The following TMBIM4 variants were observed in gnomAD, a reference collection of about 807,000 sequenced individuals.
TMBIM4 encodes the protein transmembrane BAX inhibitor motif containing 4.
A neutral mutation model predicts 27.7 loss-of-function variants in TMBIM4; 28 were observed. That is an observed-to-expected ratio of 1.01 (90% CI 0.75 to 1.38). The LOEUF is 1.38. Among genes scored for constraint, TMBIM4 ranks in the 40% most tolerant of loss-of-function variants. TMBIM4 has a pLI of 0.00. For synonymous variants in TMBIM4, 115 were observed against 113.1 expected (o/e 1.02, Z -0.11); for missense variants, 265 against 277.5 (o/e 0.95, Z 0.32).
In TMBIM4 at chr12:66,147,903, C is replaced by A; in HGVS notation, c.346+5G>T. The stretch of plus-strand genomic sequence containing the variant: ...ATAACATATAGAAATGCAGTTACGG[C>A]TTACCAACAACTGCCACAGTCAGAG... On this transcript the variant is annotated splice_donor_5th_base_variant and intron_variant, in intron 4 of 6. Transcript: ENST00000358230. 1 of 1,610,540 alleles carries A rather than the reference C, an allele frequency of 6.2e-7. No homozygotes were observed.
intron 2 of TMBIM4, 132 bp downstream of exon 2, chr12:66,153,208 T>G: frequency 1.6e-6 from 1 of 606,126 alleles, no homozygotes; most frequent in Admixed American, 3.6e-5. Context: ...TAATCAGGCT[T>G]ATAAGAGTAA....
intron 1 of TMBIM4, among the ~76,000 whole-genome samples, chr12:66,158,060 A>C (rs2051967068): frequency 6.6e-6 from 1 of 151,662 alleles, no homozygotes; most frequent in Admixed American, 6.6e-5. Context: ...TCCTGTGCCT[A>C]CTAAAAGTAC....
rs764900949 is a variant in TMBIM4 at position 66,138,116 on chromosome 12, G to A, written c.561C>T (p.Ala187=). ...AGATGATGAATCCACAGAAAAGAAG[G>A]GCTCCTGCAGCGGCTAAGACCAACT... ...IMELVLAAAG[A]LLFCGFIIYD... The change falls in exon 7 of 7, where the codon GCC becomes GCT. Residue 187 remains alanine (A), a synonymous_variant. Transcript: ENST00000358230. 4 of 1,613,896 alleles carry A rather than the reference G, an allele frequency of 2.5e-6. No homozygotes were observed. The highest frequency in any genetic ancestry group is 3.4e-6 in the Non-Finnish European group (4 of 1,179,994).
chr12:66,149,849 ACTAT>A (rs376004467), intron 3 of TMBIM4, among the ~76,000 whole-genome samples: 13 of 150,922 alleles, frequency 8.6e-5, no homozygotes, highest in East Asian at 2.0e-4. Context: ...TAAGTTGAGG[ACTAT>A]CTATCTATCT....
At chr12:66,166,464 CAAAAAAA>C (rs59822799) in intron 1 of TMBIM4, among the ~76,000 whole-genome samples, 38,490 of 100,994 alleles carry the variant, frequency 0.38, 5,103 homozygotes, top group South Asian at 0.48. Context: ...TACTTTGTCT[CAAAAAAA>C]AAAAAAAAAA....
In TMBIM4 at chr12:66,145,903, T is replaced by C; in HGVS notation, c.402A>G (p.Val134=). 1 of 1,608,932 alleles carries C rather than the reference T, an allele frequency of 6.2e-7. No individual in the cohort carries two copies. Among genetic ancestry groups the C allele is most frequent in the Non-Finnish European group, 8.5e-7 (1 of 1,176,108 alleles). Residue 134 remains valine, a synonymous_variant, in exon 5 of 7, where the codon GTA becomes GTG. Coordinates refer to ENST00000358230, the MANE Select transcript of TMBIM4 (RefSeq NM_016056.4). ...GAGTATACACAGTCAAACCAAAAAATACTGTAGTAGTCAGTATGAAAGCTT... is the reference window on the plus strand; with the variant it reads ...GAGTATACACAGTCAAACCAAAAAACACTGTAGTAGTCAGTATGAAAGCTT... The part of the protein sequence containing the change: ...ILQAFILTTT[V]FFGLTVYTLQ...
intron 1 of TMBIM4, among the ~76,000 whole-genome samples, chr12:66,159,819 A>C (rs1320041127): frequency 6.6e-6 from 1 of 152,210 alleles, no homozygotes; most frequent in Non-Finnish European, 1.5e-5. Context: ...CTACTGCCCC[A>C]TCCAAATGAC....
chr12:66,150,008 G>A, intron 3 of TMBIM4, among the ~76,000 whole-genome samples: 1 of 152,068 alleles, frequency 6.6e-6, no homozygotes, highest in East Asian at 1.9e-4. Flanking sequence ...GAAATGTATT[G>A]TACATACTTA....
At chr12:66,169,304 T>A (rs961352591) in intron 1 of TMBIM4, 8 of 696,326 alleles carry the variant, frequency 1.1e-5, no homozygotes, top group Non-Finnish European at 2.1e-5. Context: ...GAAGCTTCTG[T>A]GTTGAGCAAC....
chr12:66,157,901 A>G (rs1283952525), intron 1 of TMBIM4, among the ~76,000 whole-genome samples: 1 of 152,156 alleles, frequency 6.6e-6, no homozygotes, highest in Non-Finnish European at 1.5e-5. Context: ...CTTATACTAA[A>G]ATAGAAGAGA....
chr12:66,147,095 T>C (rs1327271286), intron 4 of TMBIM4, among the ~76,000 whole-genome samples: 3 of 152,184 alleles, frequency 2.0e-5, no homozygotes, highest in Admixed American at 1.3e-4. Flanking sequence ...TAATACTTCC[T>C]TTCTCTGTTA....
chr12:66,167,173 T>C (rs549705386), intron 1 of TMBIM4, among the ~76,000 whole-genome samples: 14 of 152,292 alleles, frequency 9.2e-5, no homozygotes, highest in Non-Finnish European at 1.9e-4. Flanking sequence ...TATGATACTA[T>C]CATGGTGGAT....
intron 3 of TMBIM4, among the ~76,000 whole-genome samples, chr12:66,150,221 G>A (rs918020169): frequency 2.6e-5 from 4 of 152,186 alleles, no homozygotes; most frequent in East Asian, 3.9e-4. Context: ...CTATATGGCC[G>A]TCTTTTTTTT....
chr12:66,157,533 A>G (rs1350306258), intron 1 of TMBIM4, among the ~76,000 whole-genome samples: 2 of 152,332 alleles, frequency 1.3e-5, no homozygotes, highest in East Asian at 1.9e-4. Flanking sequence ...AACAGAATAT[A>G]TATCTTGGTA....
intron 5 of TMBIM4, among the ~76,000 whole-genome samples, chr12:66,144,951 G>C (rs2051727451): frequency 6.6e-6 from 1 of 152,150 alleles, no homozygotes; most frequent in South Asian, 2.1e-4. Flanking sequence ...ATTAATGAAA[G>C]GGAGGGAACA....
At chr12:66,138,870 T>C in intron 5 of TMBIM4, 101 bp from the exon 6 acceptor site, 1 of 1,343,414 alleles carries the variant, frequency 7.4e-7, no homozygotes, top group Non-Finnish European at 9.6e-7. Flanking sequence ...TCTGGATTTT[T>C]TGCTGAAGAA....
At chr12:66,155,357 A>G (rs1255324302) in intron 1 of TMBIM4, among the ~76,000 whole-genome samples, 1 of 149,446 alleles carries the variant, frequency 6.7e-6, no homozygotes, top group Non-Finnish European at 1.5e-5. Context: ...AGAGAGAGAG[A>G]GAGGCAGGGT....
chr12:66,136,876 G>T lies in TMBIM4; in HGVS notation c.*1084C>A, dbSNP rs1200646325. ...TGAGGGAATTTGACAAAATTTCATTGGTTACTGGTACACTGACCTAACATG... is the reference window on the plus strand; with the variant it reads ...TGAGGGAATTTGACAAAATTTCATTTGTTACTGGTACACTGACCTAACATG... On this transcript the variant is annotated 3_prime_UTR_variant, in exon 7 of 7. Transcript: ENST00000358230. The T allele has an allele frequency of 6.6e-6, 1 of 152,164 alleles. No homozygotes were observed. Among genetic ancestry groups the T allele is most frequent in the Admixed American group, 6.5e-5 (1 of 15,286 alleles). 9.4% of individuals were successfully genotyped at this position (152,164 alleles called of 1,614,324 possible).
intron 3 of TMBIM4, 29 bp from the exon 4 acceptor site, chr12:66,147,970 T>G (rs2051779551): frequency 6.3e-7 from 1 of 1,598,964 alleles, no homozygotes; most frequent in Non-Finnish European, 8.5e-7. Flanking sequence ...AATTAGTGAC[T>G]GTAAAATTTA....
Sources: allele counts gnomAD v4.1 joint callset (sites outside exome capture counted in the v4.1 genomes callset), GRCh38; gene constraint gnomAD v4.1.1; transcripts MANE v1.5; gene names NCBI Gene and HGNC (gene_info 2026-07-23, HGNC 2026-07-21).